Variants in AGBL1 observed in about 807,000 individuals in gnomAD.
AGBL1 encodes the protein AGBL carboxypeptidase 1.
A neutral mutation model predicts 118.9 loss-of-function variants in AGBL1; 130 were observed. That is an observed-to-expected ratio of 1.09 (90% CI 0.95 to 1.26). AGBL1 has a LOEUF of 1.26. Among genes scored for constraint, AGBL1 ranks in the 50% most tolerant of loss-of-function variants. The probability of loss-of-function intolerance (pLI) is 0.00; values close to 1 mark genes in which losing one functional copy is unlikely to be tolerated. For missense variants in AGBL1, 1,584 were observed against 1,298.1 expected, an observed-to-expected ratio of 1.22 and a Z score of -3.38; for synonymous variants, 555 against 478.9, an observed-to-expected ratio of 1.16 and a Z score of -2.08.
At position 86,604,797 on chromosome 15, in the gene AGBL1, CT is replaced by C. The variant is rs56780270; in HGVS notation, c.2994+50275del. On this transcript the variant is annotated intron_variant, in intron 21 of 22. Coordinates refer to ENST00000614907, the MANE Select transcript of AGBL1 (RefSeq NM_001386094.1). ...TTCTTTCTTTTTTTTTCTTTTCTTTCTTTTTTTTTTTTTTTGAGATGGAGTT... is the reference window on the plus strand; with the variant it reads ...TTCTTTCTTTTTTTTTCTTTTCTTTCTTTTTTTTTTTTTTGAGATGGAGTT... Among the ~76,000 whole-genome samples the C allele has an allele frequency of 5.7e-3, 746 of 131,968 alleles. 3 individuals are homozygous for C. The highest frequency in any genetic ancestry group is 0.014 in the African/African-American group (517 of 36,050). 86.6% of individuals were successfully genotyped at this position (131,968 alleles called of 152,430 possible). A position where few individuals can be genotyped will look rare whatever the true frequency, so the allele number is the denominator to read the frequency against.
rs530639130 is a variant in AGBL1 at position 86,651,774 on chromosome 15, G to A, written c.2995-22499G>A. Among the ~76,000 whole-genome samples, 5 of 152,210 alleles carry A rather than the reference G, an allele frequency of 3.3e-5. No individual in the cohort carries two copies. The South Asian group carries it at 6.2e-4, about 19-fold the overall frequency. On this transcript the variant is annotated intron_variant, in intron 21 of 22. Transcript: ENST00000614907. ...TCTTACTAAACCTGCCACTGAGTAC[G>A]TTAACTCTTAACACTGAGTTCAGTT...
intron 21 of AGBL1, among the ~76,000 whole-genome samples, chr15:86,567,756 G>A (rs894373236): frequency 1.3e-5 from 2 of 152,160 alleles, no homozygotes; most frequent in East Asian, 3.9e-4. Context: ...AGAATCACTT[G>A]TGGAGTTTAG....
chr15:86,081,358 A>G (rs1323308616), intron 1 of AGBL1, among the ~76,000 whole-genome samples: 1 of 152,116 alleles, frequency 6.6e-6, no homozygotes, highest in Non-Finnish European at 1.5e-5. Context: ...TCTGATTCTT[A>G]AGAAGATTTG....
At chr15:86,247,531 C>A in intron 6 of AGBL1, 140 bp from the exon 7 acceptor site, 1 of 928,486 alleles carries the variant, frequency 1.1e-6, no homozygotes. Context: ...TTTAAGGTGA[C>A]ATCTGCCAGT....
intron 9 of AGBL1, among the ~76,000 whole-genome samples, chr15:86,261,521 A>G (rs2078983740): frequency 6.6e-6 from 1 of 152,236 alleles, no homozygotes; most frequent in Non-Finnish European, 1.5e-5. Context: ...GATCAGAAAT[A>G]CAAACATTTA....
In AGBL1 at chr15:86,397,488, G is replaced by A. The variant is rs950785337; in HGVS notation, c.2497G>A (p.Glu833Lys). 1.2e-6 allele frequency: 2 copies of A among 1,612,834 alleles called. No homozygotes were observed. The highest frequency in any genetic ancestry group is 1.3e-5 in the African/African-American group (1 of 74,864). The change falls in exon 18 of 23, where the codon GAA becomes AAA. Residue 833 changes from glutamate (E) to lysine (K), a missense_variant. By Grantham distance (56) the Glu-to-Lys change is moderately conservative. Coordinates refer to ENST00000614907, the MANE Select transcript of AGBL1 (RefSeq NM_001386094.1). ...TGACCCTGTGGCTAGGCTCTTGAGG[G>A]AAAACTTCATCTTCAAGATCATACC... ...SSDPVARLLR[E>K]NFIFKIIPML...
At chr15:86,586,085 G>A (rs2084244364) in intron 21 of AGBL1, among the ~76,000 whole-genome samples, 2 of 152,146 alleles carry the variant, frequency 1.3e-5, no homozygotes, top group Admixed American at 1.3e-4. Flanking sequence ...CAGCTTCACA[G>A]GCAAGAACAT....
intron 24 of AGBL1, among the ~76,000 whole-genome samples, chr15:87,014,673 G>A (rs16939720): frequency 0.074 from 11,325 of 152,146 alleles, 1,430 homozygotes; most frequent in African/African-American, 0.26. Flanking sequence ...AAGAGTACCC[G>A]GATATTTCAA....
intron 5 of AGBL1, among the ~76,000 whole-genome samples, chr15:86,224,288 G>A (rs1334445930): frequency 5.9e-5 from 9 of 152,132 alleles, no homozygotes; most frequent in Non-Finnish European, 1.3e-4. Context: ...TAAGATGTGG[G>A]TCAAAAAGTA....
At chr15:86,536,924 G>T (rs1042906144) in intron 19 of AGBL1, among the ~76,000 whole-genome samples, 1 of 152,210 alleles carries the variant, frequency 6.6e-6, no homozygotes, top group Non-Finnish European at 1.5e-5. Context: ...GAAGAGACTT[G>T]TGCATGTCTG....
intron 19 of AGBL1, among the ~76,000 whole-genome samples, chr15:86,527,699 G>C (rs1457660251): frequency 6.6e-6 from 1 of 152,148 alleles, no homozygotes; most frequent in Non-Finnish European, 1.5e-5. Context: ...TGGTGGCTAG[G>C]AAGATCCACC....
intron 22 of AGBL1, among the ~76,000 whole-genome samples, chr15:86,835,177 C>T (rs2079154080): frequency 6.6e-6 from 1 of 152,056 alleles, no homozygotes; most frequent in Admixed American, 6.6e-5. Context: ...ATTTGATCCC[C>T]ATTTTATAGA....
chr15:86,201,909 C>T (rs1046400887), intron 5 of AGBL1, among the ~76,000 whole-genome samples: 1 of 152,102 alleles, frequency 6.6e-6, no homozygotes, highest in African/African-American at 2.4e-5. Flanking sequence ...TAGGTTTGGG[C>T]ACATGTAGGG....
At chr15:86,526,611 TATAA>T in intron 19 of AGBL1, among the ~76,000 whole-genome samples, 1 of 147,326 alleles carries the variant, frequency 6.8e-6, no homozygotes, top group Middle Eastern at 3.6e-3. Context: ...TGTATATATA[TATAA>T]ATACACAGTA....
intron 23 of AGBL1, among the ~76,000 whole-genome samples, chr15:86,974,304 T>C (rs1336939785): frequency 1.8e-5 from 1 of 56,498 alleles, no homozygotes; most frequent in Non-Finnish European, 2.9e-5. Context: ...ATATATTAAA[T>C]ATAAACATTT....
intron 23 of AGBL1, among the ~76,000 whole-genome samples, chr15:86,960,226 T>C (rs1469639859): frequency 1.3e-5 from 2 of 152,086 alleles, no homozygotes; most frequent in Non-Finnish European, 2.9e-5. Context: ...TGATGGCTCT[T>C]AGTTTTTATT....
chr15:86,101,884 T>G (rs117228898), intron 1 of AGBL1, among the ~76,000 whole-genome samples: 1 of 152,176 alleles, frequency 6.6e-6, no homozygotes, highest in Non-Finnish European at 1.5e-5. Flanking sequence ...TTGTTATTGA[T>G]ATGTGAGGGC....
chr15:86,420,108 A>G (rs1353921357), intron 18 of AGBL1, among the ~76,000 whole-genome samples: 13 of 152,138 alleles, frequency 8.5e-5, no homozygotes. Flanking sequence ...ACAGCACTAG[A>G]TTTCTACTAA....
At chr15:86,669,840 G>A (rs2085709710) in intron 21 of AGBL1, among the ~76,000 whole-genome samples, 1 of 152,184 alleles carries the variant, frequency 6.6e-6, no homozygotes, top group Non-Finnish European at 1.5e-5. Flanking sequence ...GAAAGTGTGT[G>A]TGGAGGGGAG....
Sources: gnomAD v4.1 joint callset for allele counts (sites outside exome capture counted in the v4.1 genomes callset) on GRCh38, gnomAD v4.1.1 for gene constraint, MANE v1.5 for transcripts, NCBI Gene and HGNC (gene_info 2026-07-23, HGNC 2026-07-21) for gene names.